CLYBL: variants seen among roughly 807,000 people sequenced by gnomAD.
The protein encoded by CLYBL is citramalyl-CoA lyase, mitochondrial.
A neutral mutation model predicts 38.9 loss-of-function variants in CLYBL; 31 were observed. The observed-to-expected ratio is 0.80, with a 90% CI of 0.60 to 1.08. The LOEUF (loss-of-function observed/expected upper bound fraction) is 1.08. Ranked by LOEUF, CLYBL falls within the 50% of genes least tolerant of loss-of-function variation. The pLI is 0.00. For synonymous variants in CLYBL, 171 were observed against 158.6 expected, an observed-to-expected ratio of 1.08 and a Z score of -0.59; for missense variants, 434 against 411.6, an observed-to-expected ratio of 1.05 and a Z score of -0.47.
In CLYBL at chr13:99,615,352, AT is replaced by A. The variant is rs1269394698; in HGVS notation, c.62+8596del. ...TAGTGCTGGTAGCTGAAATTTAGGA[AT>A]GCAGGTTTCTAAGAAGGCTCGGAAA... On this transcript the variant is annotated intron_variant, in intron 1 of 8. Transcript: ENST00000339105. Among the ~76,000 whole-genome samples the A allele has an allele frequency of 5.3e-5, 8 of 152,364 alleles. No homozygotes were observed. The East Asian group carries it at 1.3e-3, about 26-fold the overall frequency.
intron 2 of CLYBL, among the ~76,000 whole-genome samples, chr13:99,820,412 A>C (rs1467267119): frequency 1.3e-5 from 2 of 152,094 alleles, no homozygotes; most frequent in Non-Finnish European, 2.9e-5. Context: ...TCAGAAACTT[A>C]CCATAGTAAC....
chr13:99,743,833 G>A (rs1410023714), intron 1 of CLYBL, among the ~76,000 whole-genome samples: 1 of 152,072 alleles, frequency 6.6e-6, no homozygotes, highest in African/African-American at 2.4e-5. Flanking sequence ...TTGGTATTTT[G>A]TAATTTAAAA....
intron 1 of CLYBL, among the ~76,000 whole-genome samples, chr13:99,684,035 A>ATTTTTTTTTTTTTTTTTTTTT (rs778902077): frequency 3.5e-5 from 3 of 86,374 alleles, no homozygotes; most frequent in African/African-American, 4.5e-5. Flanking sequence ...TGCCTGGCTA[A>ATTTTTTTTTTTTTTTTTTTTT]TTTTTTTTTT....
At chr13:99,740,179 C>T (rs746733835) in intron 1 of CLYBL, among the ~76,000 whole-genome samples, 23 of 152,296 alleles carry the variant, frequency 1.5e-4, no homozygotes, top group South Asian at 4.1e-4. Context: ...TGCCCAGGAA[C>T]GCTCTATCTT....
At chr13:99,867,891 A>G (rs1352368093) in intron 6 of CLYBL, among the ~76,000 whole-genome samples, 4 of 152,094 alleles carry the variant, frequency 2.6e-5, no homozygotes, top group Non-Finnish European at 5.9e-5. Context: ...CTCTGGGGTA[A>G]ATGTTTGCCC....
chr13:99,638,003 G>A (rs951570822), intron 1 of CLYBL, among the ~76,000 whole-genome samples: 1 of 114,654 alleles, frequency 8.7e-6, no homozygotes, highest in Non-Finnish European at 1.7e-5. Context: ...TTGCTCTGTC[G>A]CCTAGGCTGG....
intron 1 of CLYBL, among the ~76,000 whole-genome samples, chr13:99,720,323 C>A (rs942594888): frequency 6.6e-6 from 1 of 152,144 alleles, no homozygotes; most frequent in African/African-American, 2.4e-5. Context: ...CCCAGTCTTT[C>A]GTATTCCCTG....
intron 2 of CLYBL, among the ~76,000 whole-genome samples, chr13:99,808,875 T>C (rs1469628738): frequency 1.3e-5 from 2 of 152,244 alleles, no homozygotes; most frequent in Non-Finnish European, 2.9e-5. Context: ...GCTCTGATCC[T>C]GGTCCTTCCT....
chr13:99,731,175 G>A (rs1425020661), intron 1 of CLYBL, among the ~76,000 whole-genome samples: 3 of 151,630 alleles, frequency 2.0e-5, no homozygotes, highest in Non-Finnish European at 2.9e-5. Context: ...ACCAGATTTC[G>A]GCAGATTGCA....
At chr13:99,710,592 C>G (rs2048215066) in intron 1 of CLYBL, among the ~76,000 whole-genome samples, 1 of 152,232 alleles carries the variant, frequency 6.6e-6, no homozygotes, top group East Asian at 1.9e-4. Context: ...TTCCCAAACC[C>G]CTGCACTTCC....
At chr13:99,654,406 G>A (rs7139930) in intron 1 of CLYBL, among the ~76,000 whole-genome samples, 103,067 of 151,896 alleles carry the variant, frequency 0.68, 35,974 homozygotes, top group East Asian at 0.89. Flanking sequence ...GCTGGCTGGG[G>A]CTCGTGTCCT....
rs1053957427 is a variant in CLYBL, at chr13:99,672,630, G to A, written c.62+65873G>A. On this transcript the variant is annotated intron_variant, in intron 1 of 8. Transcript: ENST00000339105. ...CTCTACCAAAAAAAAAAAAAAGTTA[G>A]CCAGGCGTGGTGGTGTGTGCCTATA... is the stretch of plus-strand genomic sequence containing the variant. 6.0e-5 allele frequency among the ~76,000 whole-genome samples: 9 copies of A among 150,920 alleles called. 1 individual carries two copies.
intron 2 of CLYBL, among the ~76,000 whole-genome samples, chr13:99,823,873 C>T (rs892037194): frequency 5.3e-5 from 8 of 152,334 alleles, no homozygotes; most frequent in Non-Finnish European, 7.3e-5. Flanking sequence ...CCCAGTAAAT[C>T]GTTCTGGTAG....
chr13:99,815,450 G>A (rs1213751365), intron 2 of CLYBL, among the ~76,000 whole-genome samples: 1 of 152,160 alleles, frequency 6.6e-6, no homozygotes, highest in Admixed American at 6.5e-5. Context: ...GCTGGGTATG[G>A]TGGCATGCAC....
chr13:99,713,383 A>AG (rs2048264596), intron 1 of CLYBL, among the ~76,000 whole-genome samples: 1 of 135,220 alleles, frequency 7.4e-6, no homozygotes, highest in Non-Finnish European at 1.5e-5. Context: ...TCTGTCGCCC[A>AG]GGCTGGAGTG....
chr13:99,869,258 T>C lies in CLYBL; in HGVS notation c.803-1680T>C, dbSNP rs2051826162. 6.6e-6 allele frequency among the ~76,000 whole-genome samples: 1 copy of C among 152,194 alleles called. No homozygotes were observed. Among genetic ancestry groups the C allele is most frequent in the Non-Finnish European group, 1.5e-5 (1 of 68,008 alleles). ...GTATTTTAAGTAGTTTATGTTTTGC[T>C]CCTCAAATTATAGTGCATGTACCAA... is the stretch of plus-strand genomic sequence containing the variant. On this transcript the variant is annotated intron_variant, in intron 6 of 8. Transcript: ENST00000339105. The surrounding 1 kb of genome is among the most constrained non-coding windows in gnomAD (Gnocchi z 4.3).
intron 7 of CLYBL, among the ~76,000 whole-genome samples, chr13:99,877,280 G>A (rs1441396279): frequency 3.3e-5 from 5 of 152,186 alleles, no homozygotes; most frequent in Non-Finnish European, 7.3e-5. Context: ...TGATGGCCAG[G>A]AGAGGATCAT....
At chr13:99,754,280 C>T (rs976844516) in intron 1 of CLYBL, among the ~76,000 whole-genome samples, 3 of 151,438 alleles carry the variant, frequency 2.0e-5, no homozygotes, top group Non-Finnish European at 2.9e-5. Context: ...CATGGTAGCA[C>T]GTGCCAGTAG....
At chr13:99,688,349 G>A (rs932110394) in intron 1 of CLYBL, among the ~76,000 whole-genome samples, 1 of 151,946 alleles carries the variant, frequency 6.6e-6, no homozygotes, top group Non-Finnish European at 1.5e-5. Flanking sequence ...AAAAATATTA[G>A]TATATATTTG....
Sources: gnomAD v4.1 joint callset for allele counts (sites outside exome capture counted in the v4.1 genomes callset) on GRCh38, gnomAD v4.1.1 for gene constraint, Gnocchi (gnomAD v3.1) non-coding constraint, MANE v1.5 for transcripts, NCBI Gene and HGNC (gene_info 2026-07-23, HGNC 2026-07-21) for gene names.